RAP1GAP2: variants seen among roughly 807,000 people sequenced by gnomAD.
RAP1GAP2 encodes rap1 GTPase-activating protein 2.
In RAP1GAP2, 27 loss-of-function variants were observed where a neutral mutation model predicts 95.0. That is an observed-to-expected ratio of 0.28 (90% CI 0.21 to 0.39). RAP1GAP2 has a LOEUF of 0.39. Among genes scored for constraint, RAP1GAP2 ranks in the 10% least tolerant of loss-of-function variants. RAP1GAP2 has a pLI of 1.00. For synonymous variants in RAP1GAP2, 373 were observed against 380.9 expected (o/e 0.98, Z 0.24); for missense variants, 771 against 970.0 (o/e 0.79, Z 2.72).
chr17:2,877,546 A>G (rs1179489139), intron 2 of RAP1GAP2, among the ~76,000 whole-genome samples: 1 of 152,030 alleles, frequency 6.6e-6, no homozygotes, highest in Admixed American at 6.6e-5. Context: ...TCAGGAGTTC[A>G]AGACCAGCCT....
At chr17:2,843,628 T>C (rs2071459619) in intron 2 of RAP1GAP2, among the ~76,000 whole-genome samples, 1 of 149,672 alleles carries the variant, frequency 6.7e-6, no homozygotes, top group South Asian at 2.1e-4. Context: ...GCATCATTAA[T>C]AAAGTCTCCT....
intron 2 of RAP1GAP2, among the ~76,000 whole-genome samples, chr17:2,817,871 T>A (rs1487566183): frequency 9.4e-6 from 1 of 106,156 alleles, no homozygotes; most frequent in African/African-American, 3.1e-5. Context: ...GGAGTCTGGC[T>A]TTGTTGCCCA....
chr17:2,941,515 G>C (rs1337434305), intron 3 of RAP1GAP2, among the ~76,000 whole-genome samples: 5 of 152,160 alleles, frequency 3.3e-5, no homozygotes, highest in African/African-American at 9.7e-5. Context: ...GGAGGCAGGA[G>C]CCCGAGGCGC....
intron 2 of RAP1GAP2, among the ~76,000 whole-genome samples, chr17:2,854,880 G>C (rs915337703): frequency 2.6e-5 from 4 of 152,186 alleles, no homozygotes; most frequent in Admixed American, 1.3e-4. Context: ...TCCAGCAATG[G>C]GGGGAGGGGA....
At chr17:2,793,666 CTT>C, upstream of RAP1GAP2, among the ~76,000 whole-genome samples, 1 of 152,344 alleles carries the variant, frequency 6.6e-6, no homozygotes. Context: ...TTAGTTGGGA[CTT>C]TATTAATGGA....
chr17:2,983,228 T>C (rs1838691386), intron 10 of RAP1GAP2, among the ~76,000 whole-genome samples: 1 of 152,140 alleles, frequency 6.6e-6, no homozygotes, highest in Non-Finnish European at 1.5e-5. Flanking sequence ...CCTTTTTTTT[T>C]TTCTTTTTTA....
intron 2 of RAP1GAP2, among the ~76,000 whole-genome samples, chr17:2,864,488 T>C (rs572056498): frequency 6.6e-6 from 1 of 152,340 alleles, no homozygotes; most frequent in Admixed American, 6.5e-5. Context: ...CCTCAACTTC[T>C]AGCTACCTGA....
At chr17:2,932,816 CAAAAAAAG>C (rs1336840151) in intron 3 of RAP1GAP2, among the ~76,000 whole-genome samples, 6 of 10,158 alleles carry the variant, frequency 5.9e-4, no homozygotes, top group African/African-American at 1.0e-3. Context: ...GACTCCATCT[CAAAAAAAG>C]AAAAAAAAAA....
chr17:2,815,074 T>G (rs11653110), intron 2 of RAP1GAP2, among the ~76,000 whole-genome samples: 92,170 of 151,786 alleles, frequency 0.61, 28,827 homozygotes, highest in African/African-American at 0.75. Flanking sequence ...CTAGGGGACC[T>G]CGTTAAAATG....
chr17:2,847,980 C>T (rs1567705380), intron 2 of RAP1GAP2, among the ~76,000 whole-genome samples: 1 of 152,122 alleles, frequency 6.6e-6, no homozygotes, highest in Non-Finnish European at 1.5e-5. Context: ...CATAAATGAA[C>T]TTCAAAAAAG....
At chr17:2,831,419 C>T (rs2070847742) in intron 2 of RAP1GAP2, among the ~76,000 whole-genome samples, 1 of 151,568 alleles carries the variant, frequency 6.6e-6, no homozygotes. Context: ...TCCTACAAAA[C>T]ACTGTTTTAC....
chr17:2,820,333 G>C (rs903649783), intron 2 of RAP1GAP2, among the ~76,000 whole-genome samples: 2 of 152,010 alleles, frequency 1.3e-5, no homozygotes, highest in Non-Finnish European at 2.9e-5. Context: ...CTCAAGAGAG[G>C]ACTTAGGCTG....
intron 17 of RAP1GAP2, among the ~76,000 whole-genome samples, chr17:3,011,725 T>G (rs1453507791): frequency 6.7e-6 from 1 of 149,922 alleles, no homozygotes; most frequent in African/African-American, 2.5e-5. Flanking sequence ...GCTCAAGCGA[T>G]TCTCCTGCCT....
At chr17:2,977,068 C>T (rs541892718) in intron 8 of RAP1GAP2, among the ~76,000 whole-genome samples, 173 of 147,000 alleles carry the variant, frequency 1.2e-3, no homozygotes, top group African/African-American at 3.8e-3. Context: ...ACCTGGGAGG[C>T]GGAGGTTGCA....
chr17:2,921,255 AGTGGC>A (rs1158461361), intron 3 of RAP1GAP2, among the ~76,000 whole-genome samples: 2 of 151,728 alleles, frequency 1.3e-5, no homozygotes, highest in African/African-American at 4.9e-5. Context: ...GCTGAAGTGC[AGTGGC>A]GTGATCTTGG....
intron 17 of RAP1GAP2, among the ~76,000 whole-genome samples, chr17:3,010,910 T>C (rs2046512883): frequency 7.3e-6 from 1 of 136,456 alleles, no homozygotes; most frequent in Non-Finnish European, 1.7e-5. Context: ...TGTGACCAGA[T>C]TTTTTTTAAA....
Position 2,867,498 on chromosome 17 carries a change from C to T in RAP1GAP2, c.81-37786C>T, listed in dbSNP as rs2072662431. 6.6e-6 allele frequency among the ~76,000 whole-genome samples: 1 copy of T among 152,126 alleles called. No individual in the cohort carries two copies. The highest frequency in any genetic ancestry group is 2.4e-5 in the African/African-American group (1 of 41,422). On this transcript the variant is annotated intron_variant, in intron 2 of 24. Transcript: ENST00000254695. This position sits in a 1 kb window ranked among gnomAD's most constrained non-coding sequence, Gnocchi z 4.5. ...CCTTCTACCCACTTAGCAATACCAA[C>T]AGGAAGAGCAAATCTGTTTCCCAAT... is the stretch of plus-strand genomic sequence containing the variant.
chr17:3,023,991 T>C (rs1298458161), intron 19 of RAP1GAP2, among the ~76,000 whole-genome samples: 2 of 152,262 alleles, frequency 1.3e-5, no homozygotes, highest in African/African-American at 2.4e-5. Context: ...GAACTCATTC[T>C]TTTTTATGGC....
chr17:3,008,247 C>A lies in RAP1GAP2; in HGVS notation c.1494+102C>A. 2 of 1,519,726 alleles carry A rather than the reference C, an allele frequency of 1.3e-6. No homozygotes were observed. The highest frequency in any genetic ancestry group is 1.9e-5 in the Admixed American group (1 of 53,514). 94.1% of individuals were successfully genotyped at this position (1,519,726 alleles called of 1,614,324 possible). ...GATACTGATCCCAGAGCCCAAGGGCCAGCTGGAGGGGTGACAGGAAACGTA... is the reference window on the plus strand; with the variant it reads ...GATACTGATCCCAGAGCCCAAGGGCAAGCTGGAGGGGTGACAGGAAACGTA... On this transcript the variant is annotated intron_variant, in intron 17 of 24. Coordinates refer to ENST00000254695, the MANE Select transcript of RAP1GAP2 (RefSeq NM_015085.5). This position sits in a 1 kb window ranked among gnomAD's most constrained non-coding sequence, Gnocchi z 4.2.
Sources: allele counts gnomAD v4.1 joint callset (sites outside exome capture counted in the v4.1 genomes callset), GRCh38; gene constraint gnomAD v4.1.1; non-coding constraint Gnocchi (gnomAD v3.1); transcripts MANE v1.5; gene names NCBI Gene and HGNC (gene_info 2026-07-23, HGNC 2026-07-21).